The following ZDHHC21 variants were observed in gnomAD, a reference collection of about 807,000 sequenced individuals.
ZDHHC21 encodes palmitoyltransferase ZDHHC21.
In ZDHHC21, 15 loss-of-function variants were observed where a neutral mutation model predicts 34.6. That is an observed-to-expected ratio of 0.43 (90% CI 0.29 to 0.67). The LOEUF is 0.67. Ranked by LOEUF, ZDHHC21 falls within the 30% of genes least tolerant of loss-of-function variation. ZDHHC21 has a pLI of 0.14. For missense variants in ZDHHC21, 344 were observed against 327.7 expected, an observed-to-expected ratio of 1.05 and a Z score of -0.38; for synonymous variants, 142 against 101.8, an observed-to-expected ratio of 1.40 and a Z score of -2.38.
intron 9 of ZDHHC21, 131 bp downstream of exon 9, chr9:14,619,508 C>T (rs762534517): frequency 5.3e-6 from 4 of 758,256 alleles, no homozygotes; most frequent in Non-Finnish European, 8.2e-6. Context: ...GCTTGCCTAG[C>T]ACAGGCCTCA....
At chr9:14,600,752 A>G in the ZDHHC21 span, among the ~76,000 whole-genome samples, 1 of 152,232 alleles carries the variant, frequency 6.6e-6, no homozygotes, top group Non-Finnish European at 1.5e-5. Flanking sequence ...TTCAAACCAT[A>G]CTACAAGGCT....
At chr9:14,660,329 T>C (rs1264405769) in intron 6 of ZDHHC21, among the ~76,000 whole-genome samples, 2 of 122,396 alleles carry the variant, frequency 1.6e-5, no homozygotes, top group Middle Eastern at 6.8e-3. Context: ...GTTGAGATCA[T>C]GCCACTGCAC....
At chr9:14,647,006 G>T (rs1030196598) in intron 7 of ZDHHC21, among the ~76,000 whole-genome samples, 1 of 152,014 alleles carries the variant, frequency 6.6e-6, no homozygotes, top group Non-Finnish European at 1.5e-5. Flanking sequence ...ATTGGACAAA[G>T]AACTGTCTCT....
At position 14,641,699 on chromosome 9, in the gene ZDHHC21, C is replaced by T. The variant is rs1473591932; in HGVS notation, c.505-1687G>A. Among the ~76,000 whole-genome samples the T allele has an allele frequency of 2.0e-5, 3 of 152,224 alleles. No individual in the cohort carries two copies. In the East Asian group the frequency reaches 5.8e-4, roughly 29 times the overall value. On this transcript the variant is annotated intron_variant, in intron 7 of 9. Coordinates refer to ENST00000380916, the MANE Select transcript of ZDHHC21 (RefSeq NM_178566.6). ...ATTTCACAGACCCTCCCTTCCATCA[C>T]TTCACAATAATTCACATTCTGCAAC...
intron 5 of ZDHHC21, among the ~76,000 whole-genome samples, chr9:14,672,204 T>C (rs1484739275): frequency 6.6e-6 from 1 of 152,108 alleles, no homozygotes; most frequent in East Asian, 1.9e-4. Flanking sequence ...ATCCCTTTTT[T>C]GAAGAATTCA....
the ZDHHC21 span, among the ~76,000 whole-genome samples, chr9:14,605,570 C>T: frequency 3.4e-4 from 51 of 152,068 alleles, no homozygotes; most frequent in African/African-American, 1.0e-3. Context: ...TGTAGGAGCT[C>T]GTTTTGTATT....
rs1829325840 is a variant in ZDHHC21, at chr9:14,641,291, G to A, written c.505-1279C>T. Among the ~76,000 whole-genome samples, 3 of 152,212 alleles carry A rather than the reference G, an allele frequency of 2.0e-5. No individual in the cohort carries two copies. The South Asian group carries it at 6.2e-4, about 32-fold the overall frequency. On this transcript the variant is annotated intron_variant, in intron 7 of 9. Coordinates refer to ENST00000380916, the MANE Select transcript of ZDHHC21 (RefSeq NM_178566.6). Reference sequence around the variant, plus strand: ...AGCAAGACACTTAAAACGTTATGTAGCAGGTAAATATTAGGCAATCATTTC... The same window carrying A: ...AGCAAGACACTTAAAACGTTATGTAACAGGTAAATATTAGGCAATCATTTC...
downstream of ZDHHC21, among the ~76,000 whole-genome samples, chr9:14,607,475 A>G (rs563107083): frequency 1.2e-4 from 18 of 152,302 alleles, no homozygotes; most frequent in Middle Eastern, 3.4e-3. Flanking sequence ...CATATATAAC[A>G]CATATGATAA....
intron 8 of ZDHHC21, among the ~76,000 whole-genome samples, chr9:14,636,667 T>C (rs1169683791): frequency 6.6e-6 from 1 of 151,896 alleles, no homozygotes; most frequent in East Asian, 1.9e-4. Flanking sequence ...ACAAAACAAG[T>C]CTCAAGAAAC....
intron 7 of ZDHHC21, among the ~76,000 whole-genome samples, chr9:14,649,884 T>C (rs190633779): frequency 0.011 from 1,742 of 152,158 alleles, 14 homozygotes; most frequent in Middle Eastern, 0.024. Context: ...CCTTACTACA[T>C]TCACCAATTA....
At chr9:14,595,785 G>C in the ZDHHC21 span, among the ~76,000 whole-genome samples, 1 of 152,082 alleles carries the variant, frequency 6.6e-6, no homozygotes, top group African/African-American at 2.4e-5. Flanking sequence ...AAAAAAAGAA[G>C]ACATCTCCAA....
At chr9:14,631,469 G>A (rs1827331899) in intron 8 of ZDHHC21, among the ~76,000 whole-genome samples, 1 of 152,250 alleles carries the variant, frequency 6.6e-6, no homozygotes, top group Non-Finnish European at 1.5e-5. Context: ...CAATAAAGCT[G>A]CTTCACTTTC....
At chr9:14,634,548 C>A (rs1220742314) in intron 8 of ZDHHC21, among the ~76,000 whole-genome samples, 1 of 152,166 alleles carries the variant, frequency 6.6e-6, no homozygotes, top group Admixed American at 6.5e-5. Context: ...CCACTAACAA[C>A]CACACCCTAA....
intron 5 of ZDHHC21, among the ~76,000 whole-genome samples, chr9:14,664,758 G>A (rs1000820609): frequency 8.6e-5 from 13 of 151,786 alleles, no homozygotes; most frequent in Admixed American, 7.2e-4. Context: ...CACACAGCAG[G>A]GTATTCCAAC....
At chr9:14,646,399 T>C (rs1472756716) in intron 7 of ZDHHC21, among the ~76,000 whole-genome samples, 1 of 152,176 alleles carries the variant, frequency 6.6e-6, no homozygotes, top group Non-Finnish European at 1.5e-5. Flanking sequence ...AAAATACTTT[T>C]ATTAATTTTA....
intron 8 of ZDHHC21, among the ~76,000 whole-genome samples, chr9:14,638,550 A>G (rs1263578529): frequency 6.6e-6 from 1 of 152,082 alleles, no homozygotes; most frequent in Non-Finnish European, 1.5e-5. Flanking sequence ...GACTCTATTA[A>G]ATTAAAAAGC....
chr9:14,691,974 A>T (rs1240216626), intron 1 of ZDHHC21, among the ~76,000 whole-genome samples: 1 of 152,232 alleles, frequency 6.6e-6, no homozygotes, highest in Non-Finnish European at 1.5e-5. Flanking sequence ...AACATGGGTC[A>T]TTGCCCTACC....
chr9:14,634,051 C>T (rs929299420), intron 8 of ZDHHC21, among the ~76,000 whole-genome samples: 1 of 152,174 alleles, frequency 6.6e-6, no homozygotes, highest in Non-Finnish European at 1.5e-5. Context: ...AACTCCAGTA[C>T]CCAAGCACAC....
At chr9:14,687,578 C>T (rs199902434) in intron 2 of ZDHHC21, among the ~76,000 whole-genome samples, 3 of 150,512 alleles carry the variant, frequency 2.0e-5, no homozygotes, top group Admixed American at 6.6e-5. Flanking sequence ...GGCTGAGGCA[C>T]GAGAATCGCT....
Sources: gnomAD v4.1 joint callset for allele counts (sites outside exome capture counted in the v4.1 genomes callset) on GRCh38, gnomAD v4.1.1 for gene constraint, MANE v1.5 for transcripts, NCBI Gene and HGNC (gene_info 2026-07-23, HGNC 2026-07-21) for gene names.